RGS6: variants seen among roughly 807,000 people sequenced by gnomAD.
RGS6 encodes regulator of G protein signaling 6, also known as regulator of G-protein signaling 6.
RGS6 carries 30 observed loss-of-function variants against 78.5 expected under a neutral mutation model. The ratio of observed to expected loss-of-function variants is 0.38; its 90% confidence interval spans 0.29 to 0.52. The LOEUF (loss-of-function observed/expected upper bound fraction) is 0.52, where lower values mean the gene tolerates loss of function less well. Ranked by LOEUF, RGS6 falls within the 20% of genes least tolerant of loss-of-function variation. The pLI is 0.85. For synonymous variants in RGS6, 206 were observed against 206.0 expected, an observed-to-expected ratio of 1.00 and a Z score of 0.00; for missense variants, 495 against 609.7, an observed-to-expected ratio of 0.81 and a Z score of 1.98.
At chr14:72,438,920 C>T (rs537618852) in intron 3 of RGS6, among the ~76,000 whole-genome samples, 17 of 152,368 alleles carry the variant, frequency 1.1e-4, no homozygotes, top group East Asian at 3.9e-4. Flanking sequence ...TCCAGGCGTA[C>T]GAGCCTGCCT....
intron 2 of RGS6, among the ~76,000 whole-genome samples, chr14:72,153,217 A>G (rs2096719506): frequency 6.6e-6 from 1 of 152,262 alleles, no homozygotes; most frequent in Middle Eastern, 3.4e-3. Flanking sequence ...CCAGCCTTTG[A>G]GGGTCCTTTT....
intron 3 of RGS6, among the ~76,000 whole-genome samples, chr14:72,411,493 A>G (rs1366407423): frequency 2.0e-5 from 3 of 152,244 alleles, no homozygotes; most frequent in Non-Finnish European, 4.4e-5. Context: ...TTCTAGATAT[A>G]CAATCATGTC....
At chr14:71,926,969 AG>A in the RGS6 span, among the ~76,000 whole-genome samples, 1 of 152,218 alleles carries the variant, frequency 6.6e-6, no homozygotes, top group Non-Finnish European at 1.5e-5. Context: ...TCTAGCAGGA[AG>A]GGGACAGAGT....
the RGS6 span, among the ~76,000 whole-genome samples, chr14:72,604,775 A>C: frequency 4.9e-3 from 745 of 152,234 alleles, 8 homozygotes; most frequent in African/African-American, 0.017. Flanking sequence ...TTTTGGGTTG[A>C]GCCTGTGTTT....
chr14:72,505,766 C>CA (rs1454481535), intron 13 of RGS6, among the ~76,000 whole-genome samples: 2 of 152,170 alleles, frequency 1.3e-5, no homozygotes, highest in Non-Finnish European at 2.9e-5. Context: ...ACAATGTCAG[C>CA]CTCCCTGGCT....
intron 2 of RGS6, among the ~76,000 whole-genome samples, chr14:72,194,302 T>G: frequency 6.6e-6 from 1 of 152,230 alleles, no homozygotes. Context: ...TTGTTCTGGG[T>G]GATGGCTATA....
chr14:72,414,242 G>A (rs999117100), intron 3 of RGS6, among the ~76,000 whole-genome samples: 11 of 152,110 alleles, frequency 7.2e-5, no homozygotes, highest in Admixed American at 2.6e-4. Context: ...ACATACTCCC[G>A]TATTTCTTGG....
At chr14:72,501,886 G>T (rs1024436852) in intron 13 of RGS6, among the ~76,000 whole-genome samples, 3 of 152,204 alleles carry the variant, frequency 2.0e-5, no homozygotes, top group Non-Finnish European at 4.4e-5. Context: ...CTGCTGAGAG[G>T]CAGAGATCAT....
At chr14:71,941,651 AG>A (rs1204736982) in intron 1 of RGS6, among the ~76,000 whole-genome samples, 7 of 152,190 alleles carry the variant, frequency 4.6e-5, no homozygotes, top group African/African-American at 1.7e-4. Flanking sequence ...AGAAAGATGT[AG>A]GCTGGGAGGC....
intron 3 of RGS6, among the ~76,000 whole-genome samples, chr14:72,411,741 A>G (rs192458002): frequency 4.3e-4 from 66 of 152,326 alleles, no homozygotes; most frequent in African/African-American, 1.4e-3. Context: ...GATACATCCC[A>G]TCAATACCTA....
chr14:72,101,659 G>A (rs995767746), intron 2 of RGS6, among the ~76,000 whole-genome samples: 2 of 152,186 alleles, frequency 1.3e-5, no homozygotes, highest in African/African-American at 4.8e-5. Context: ...ACTTTGCTAA[G>A]TGAACGCTTG....
chr14:72,323,791 A>G (rs1456986315), intron 2 of RGS6, among the ~76,000 whole-genome samples: 2 of 111,544 alleles, frequency 1.8e-5, no homozygotes, highest in Admixed American at 2.3e-4. Context: ...ACAGAGTGAG[A>G]CTCCATCTCA....
intron 2 of RGS6, among the ~76,000 whole-genome samples, chr14:71,971,911 T>TTTG (rs1221706246): frequency 6.1e-5 from 1 of 16,424 alleles, no homozygotes. Context: ...GGCAGGTTTT[T>TTTG]TTTTTTTTTT....
intron 2 of RGS6, among the ~76,000 whole-genome samples, chr14:72,220,416 A>G (rs1401004428): frequency 6.6e-6 from 1 of 152,200 alleles, no homozygotes; most frequent in East Asian, 1.9e-4. Context: ...AACTAAGAGT[A>G]GTAATTGGTG....
the RGS6 span, among the ~76,000 whole-genome samples, chr14:71,914,421 T>A: frequency 6.6e-6 from 1 of 152,122 alleles, no homozygotes; most frequent in Non-Finnish European, 1.5e-5. Flanking sequence ...TTCACTTTTC[T>A]TATCTTTCCT....
chr14:72,629,773 G>C, the RGS6 span: 1 of 1,457,228 alleles, frequency 6.9e-7, no homozygotes, highest in Non-Finnish European at 9.3e-7. Flanking sequence ...TAGGGCCAAA[G>C]TATGAACTGC....
chr14:71,969,816 C>A (rs928391561), intron 2 of RGS6, among the ~76,000 whole-genome samples: 1 of 152,210 alleles, frequency 6.6e-6, no homozygotes, highest in Non-Finnish European at 1.5e-5. Flanking sequence ...TGTACAAATA[C>A]CTTTCTGCAA....
At chr14:72,365,209 G>T (rs2082236376) in intron 3 of RGS6, among the ~76,000 whole-genome samples, 1 of 152,166 alleles carries the variant, frequency 6.6e-6, no homozygotes, top group Admixed American at 6.5e-5. Flanking sequence ...GAAAAAGAAT[G>T]TACTTGCCAA....
chr14:72,041,186 T>G (rs1397975493), intron 2 of RGS6, among the ~76,000 whole-genome samples: 3 of 152,212 alleles, frequency 2.0e-5, no homozygotes, highest in African/African-American at 4.8e-5. Context: ...GAAAAACAAC[T>G]ACAACAACCA....
Sources: allele counts gnomAD v4.1 joint callset (sites outside exome capture counted in the v4.1 genomes callset), GRCh38; gene constraint gnomAD v4.1.1; transcripts MANE v1.5; gene names NCBI Gene and HGNC (gene_info 2026-07-23, HGNC 2026-07-21).